Variants in SNUPN observed in about 807,000 individuals in gnomAD.
SNUPN encodes the protein snurportin 1, also known as snurportin-1.
A neutral mutation model predicts 39.2 loss-of-function variants in SNUPN; 31 were observed. The ratio of observed to expected loss-of-function variants is 0.79; its 90% CI spans 0.59 to 1.07. The LOEUF (loss-of-function observed/expected upper bound fraction) is 1.07. Ranked by LOEUF, SNUPN falls within the 50% of genes least tolerant of loss-of-function variation. The pLI is 0.00. For synonymous variants in SNUPN, 132 were observed against 159.0 expected, an observed-to-expected ratio of 0.83 and a Z score of 1.28; for missense variants, 382 against 434.2, an observed-to-expected ratio of 0.88 and a Z score of 1.07.
intron 7 of SNUPN, among the ~76,000 whole-genome samples, chr15:75,603,574 T>C (rs1263495218): frequency 2.0e-5 from 3 of 148,140 alleles, no homozygotes; most frequent in African/African-American, 7.5e-5. Flanking sequence ...GGCAGGAGAA[T>C]GCTGTGAACC....
chr15:75,600,233 GAC>G (rs2141358956), intron 8 of SNUPN, among the ~76,000 whole-genome samples: 1 of 152,024 alleles, frequency 6.6e-6, no homozygotes, highest in South Asian at 2.1e-4. Context: ...AGGCTGACAA[GAC>G]TGTTGAGGAC....
chr15:75,609,605 A>G lies in SNUPN; in HGVS notation c.455T>C (p.Phe152Ser). 6.2e-7 allele frequency: 1 copy of G among 1,614,028 alleles called. No homozygotes were observed. Among genetic ancestry groups the G allele is most frequent in the Non-Finnish European group, 8.5e-7 (1 of 1,179,926 alleles). ...YTKSGYCVNR[F>S]SSLLPGGNRR... ...GTTGCCTCCTGGCAGAAGTGAAGAA[A>G]ACCTGTTGACACAGTAGCCACTCTT... The change falls in exon 5 of 9, where the codon TTT (phenylalanine) becomes TCT (serine). Residue 152 changes from phenylalanine to serine, a missense_variant. Phe to Ser is a radical substitution (Grantham distance 155, BLOSUM62 -2). Transcript: ENST00000308588.
chr15:75,605,022 G>C, intron 7 of SNUPN, 128 bp downstream of exon 7: 1 of 640,592 alleles, frequency 1.6e-6, no homozygotes, highest in Non-Finnish European at 2.8e-6. Context: ...CTACATGATT[G>C]ATACTCTTCC....
At chr15:75,599,273 A>G (rs1419388931) in intron 8 of SNUPN, among the ~76,000 whole-genome samples, 1 of 152,212 alleles carries the variant, frequency 6.6e-6, no homozygotes, top group African/African-American at 2.4e-5. Flanking sequence ...ACGGTGTCTG[A>G]GAGATGGGGC....
At chr15:75,619,830 C>A (rs1893024947) in intron 2 of SNUPN, among the ~76,000 whole-genome samples, 1 of 152,026 alleles carries the variant, frequency 6.6e-6, no homozygotes, top group Non-Finnish European at 1.5e-5. Context: ...CTCACTGCAA[C>A]CTCCACCTCC....
rs902495576 is a variant in SNUPN, at chr15:75,605,488, A to T, written c.601-261T>A. The T allele has an allele frequency of 9.8e-6, 3 of 305,848 alleles. No individual in the cohort carries two copies. In the East Asian group the frequency reaches 2.7e-4, roughly 27 times the overall value. 18.9% of individuals were successfully genotyped at this position (305,848 alleles called of 1,614,324 possible). A position where few individuals can be genotyped will look rare whatever the true frequency, so the allele number is the denominator to read the frequency against. ...GCTAATTTTTGTATTTTTGGTAGAG[A>T]CAGGGTTTCACCATGTTGGCCAGAG... On this transcript the variant is annotated intron_variant, in intron 6 of 8. Transcript: ENST00000308588.
In SNUPN at chr15:75,609,579, T is replaced by C; in HGVS notation, c.481A>G (p.Arg161Gly). Reference protein sequence around the residue: ...RFSSLLPGGNRRNSTAKDYTI... With the variant: ...RFSSLLPGGNGRNSTAKDYTI... ...GTACCTTTTGCTGTTGAGTTTCGCCTGTTGCCTCCTGGCAGAAGTGAAGAA... is the reference window on the plus strand; with the variant it reads ...GTACCTTTTGCTGTTGAGTTTCGCCCGTTGCCTCCTGGCAGAAGTGAAGAA... The change falls in exon 5 of 9, where the codon AGG (arginine) becomes GGG (glycine). Residue 161 changes from arginine to glycine, a missense_variant. Transcript: ENST00000308588. The C allele has an allele frequency of 6.2e-7, 1 of 1,613,906 alleles. No homozygotes were observed. The highest frequency in any genetic ancestry group is 8.5e-7 in the Non-Finnish European group (1 of 1,179,738).
Position 75,599,175 on chromosome 15 carries a change from G to GA in SNUPN, c.760-495dup, listed in dbSNP as rs146837696. ...AGAGTGAGACTCTGTCTCAAAAAAA[G>GA]AAAAAAAAAAAGGAAAGGATAAACA... On this transcript the variant is annotated intron_variant, in intron 8 of 8. Coordinates refer to ENST00000308588, the MANE Select transcript of SNUPN (RefSeq NM_005701.4). Among the ~76,000 whole-genome samples, 578 of 138,220 alleles carry GA rather than the reference G, an allele frequency of 4.2e-3. 4 individuals are homozygous for GA. The highest frequency in any genetic ancestry group is 0.012 in the African/African-American group (460 of 37,874). 90.7% of individuals were successfully genotyped at this position (138,220 alleles called of 152,430 possible).
chr15:75,605,076 G>T, intron 7 of SNUPN, 74 bp downstream of exon 7: 1 of 881,450 alleles, frequency 1.1e-6, no homozygotes, highest in Non-Finnish European at 1.9e-6. Flanking sequence ...CATACATAAT[G>T]ATTATATTTA....
chr15:75,616,327 A>G (rs181420393), intron 3 of SNUPN, among the ~76,000 whole-genome samples: 208 of 152,010 alleles, frequency 1.4e-3, no homozygotes, highest in Middle Eastern at 3.4e-3. Flanking sequence ...GTGTGGTGGC[A>G]GGCATCTGTA....
At position 75,603,167 on chromosome 15, in the gene SNUPN, C is replaced by G. The variant is rs544634890; in HGVS notation, c.679-1949G>C. Among the ~76,000 whole-genome samples, 440 of 151,798 alleles carry G rather than the reference C, an allele frequency of 2.9e-3. 3 individuals carry two copies. Among genetic ancestry groups the G allele is most frequent in the Non-Finnish European group, 5.2e-3 (355 of 67,898 alleles). The stretch of plus-strand genomic sequence containing the variant: ...GGGTTCACAGCATTCTCCTGCTCAG[C>G]CTCTCAAGTAGCTGGGACTATAGGC... On this transcript the variant is annotated intron_variant, in intron 7 of 8. Coordinates refer to ENST00000308588, the MANE Select transcript of SNUPN (RefSeq NM_005701.4).
At chr15:75,614,274 G>A (rs1892872884) in intron 3 of SNUPN, among the ~76,000 whole-genome samples, 1 of 152,132 alleles carries the variant, frequency 6.6e-6, no homozygotes, top group African/African-American at 2.4e-5. Context: ...CTGGGTGAGA[G>A]AGTGAGACTT....
At chr15:75,618,079 C>T (rs1039147439) in intron 2 of SNUPN, among the ~76,000 whole-genome samples, 1 of 152,170 alleles carries the variant, frequency 6.6e-6, no homozygotes, top group Non-Finnish European at 1.5e-5. Context: ...CAGCCTTCCT[C>T]AGAGTTTCCT....
At chr15:75,606,161 G>GATA in intron 6 of SNUPN, among the ~76,000 whole-genome samples, 1 of 152,212 alleles carries the variant, frequency 6.6e-6, no homozygotes, top group East Asian at 1.9e-4. Flanking sequence ...AAAAAAGGAT[G>GATA]ATAATAGTAC....
chr15:75,617,264 G>A lies in SNUPN; in HGVS notation c.303+144C>T, dbSNP rs114141557. 2,147 of 813,644 alleles carry A rather than the reference G, an allele frequency of 2.6e-3. 42 individuals are homozygous for A. The African/African-American group carries it at 0.033, about 13-fold the overall frequency. The allele number at this position is 813,644 out of a possible 1,614,324, so 50.4% of individuals were successfully genotyped here. ...CTACTTATCATCCCATATGATCTAC[G>A]TACACTGGCATGTTCTTTGCAGTTC... On this transcript the variant is annotated intron_variant, in intron 3 of 8. Transcript: ENST00000308588.
intron 6 of SNUPN, 163 bp from the exon 7 acceptor site, chr15:75,605,390 TCCGCCTCCCAAGTTCAAGCGATTCTC>T: frequency 4.5e-6 from 2 of 445,002 alleles, no homozygotes; most frequent in Non-Finnish European, 8.0e-6. Flanking sequence ...CACTGTAACC[TCCGCCTCCCAAGTTCAAGCGATTCTC>T]CTGCCTCCCA....
intron 8 of SNUPN, among the ~76,000 whole-genome samples, chr15:75,599,167 C>CA (rs1284924919): frequency 6.9e-6 from 1 of 144,226 alleles, no homozygotes; most frequent in Non-Finnish European, 1.5e-5. Flanking sequence ...GACTCTGTCT[C>CA]AAAAAAAGAA....
Position 75,620,884 on chromosome 15 carries a change from G to C in SNUPN, c.158+10C>G, listed in dbSNP as rs761545766. 1.2e-6 allele frequency: 2 copies of C among 1,611,838 alleles called. No individual in the cohort carries two copies. Among genetic ancestry groups the C allele is most frequent in the African/African-American group, 2.7e-5 (2 of 74,866 alleles). Reference sequence around the variant, plus strand: ...CAGAGAAAGAAGACAAGGAGTTAAAGCTTCCTTACGATTTCTGCAGTTCCA... The same window carrying C: ...CAGAGAAAGAAGACAAGGAGTTAAACCTTCCTTACGATTTCTGCAGTTCCA... On this transcript the variant is annotated intron_variant, in intron 2 of 8. Transcript: ENST00000308588.
intron 7 of SNUPN, among the ~76,000 whole-genome samples, 154 bp from the exon 8 acceptor site, chr15:75,601,372 C>G (rs28397821): frequency 2.6e-5 from 4 of 152,172 alleles, no homozygotes; most frequent in Non-Finnish European, 4.4e-5. Context: ...GTCAAGAAAT[C>G]AAGACAAGCC....
Sources: gnomAD v4.1 joint callset for allele counts (sites outside exome capture counted in the v4.1 genomes callset) on GRCh38, gnomAD v4.1.1 for gene constraint, MANE v1.5 for transcripts, NCBI Gene and HGNC (gene_info 2026-07-23, HGNC 2026-07-21) for gene names.